The following MAML2 variants were observed in gnomAD, a reference collection of about 807,000 sequenced individuals.
The protein encoded by MAML2 is mastermind-like protein 2.
In MAML2, 22 loss-of-function variants were observed where a neutral mutation model predicts 96.1. The observed-to-expected ratio is 0.23, with a 90% CI of 0.16 to 0.33. The LOEUF (loss-of-function observed/expected upper bound fraction) is 0.33. MAML2 is among the 10% of genes least tolerant of loss of function. MAML2 has a pLI of 1.00. For missense variants in MAML2, 1,367 were observed against 1,392.4 expected (o/e 0.98, Z 0.29); for synonymous variants, 561 against 521.3 (o/e 1.08, Z -1.04).
At chr11:96,155,938 C>G (rs1381680493) in intron 1 of MAML2, among the ~76,000 whole-genome samples, 2 of 152,130 alleles carry the variant, frequency 1.3e-5, no homozygotes, top group East Asian at 1.9e-4. Context: ...AAACACAGCA[C>G]ATAAACAAGC....
chr11:96,232,754 G>A (rs1565257228), intron 1 of MAML2, among the ~76,000 whole-genome samples: 1 of 152,164 alleles, frequency 6.6e-6, no homozygotes, highest in South Asian at 2.1e-4. Flanking sequence ...TTAGAGGCGT[G>A]AGCCACCGCG....
chr11:95,985,635 A>C lies in MAML2; in HGVS notation c.2351T>G (p.Ile784Ser). The change falls in exon 4 of 5, where the codon ATT becomes AGT. Residue 784 changes from isoleucine to serine, a missense_variant. Ile to Ser is a moderately radical substitution (Grantham distance 142). Transcript: ENST00000524717. ...TCGGTTTATCTGATCTTGTGGAGCA[A>C]TTTTCTCCTTGAGAAATGATATGAA... is the stretch of plus-strand genomic sequence containing the variant. ...QQQMLADAEK[I>S]APQDQINRHL... 3 of 1,598,444 alleles carry C rather than the reference A, an allele frequency of 1.9e-6. No individual in the cohort carries two copies. The highest frequency in any genetic ancestry group is 2.6e-6 in the Non-Finnish European group (3 of 1,167,092).
intron 2 of MAML2, among the ~76,000 whole-genome samples, chr11:96,071,145 T>C (rs778164680): frequency 6.6e-6 from 1 of 152,250 alleles, no homozygotes; most frequent in Non-Finnish European, 1.5e-5. Context: ...ATATGCAGAA[T>C]GGGACAAGAG....
intron 1 of MAML2, among the ~76,000 whole-genome samples, chr11:96,115,235 C>A (rs1462368067): frequency 6.6e-6 from 1 of 151,522 alleles, no homozygotes; most frequent in African/African-American, 2.4e-5. Context: ...TTGATCATAG[C>A]TCACTGTAAC....
rs560991107 is a variant in MAML2 at position 95,977,406 on chromosome 11, G to A, written c.*1542C>T. 1 of 189,166 alleles carries A rather than the reference G, an allele frequency of 5.3e-6. No individual in the cohort carries two copies. Among genetic ancestry groups the A allele is most frequent in the South Asian group, 1.9e-4 (1 of 5,148 alleles). 11.7% of individuals were successfully genotyped at this position (189,166 alleles called of 1,614,324 possible). On this transcript the variant is annotated 3_prime_UTR_variant, in exon 5 of 5. Coordinates refer to ENST00000524717, the MANE Select transcript of MAML2 (RefSeq NM_032427.4). ...AGTGCTTCCAGACATTTTAAAGACT[G>A]GGAGACAGCTTTGCAGAATTTTCAA...
chr11:96,299,044 C>CAAAA (rs71040142), intron 1 of MAML2, among the ~76,000 whole-genome samples: 35 of 80,788 alleles, frequency 4.3e-4, no homozygotes, highest in African/African-American at 1.8e-3. Flanking sequence ...GAGTCCATCT[C>CAAAA]AAAAAAAAAA....
At chr11:96,275,561 A>G (rs1010351977) in intron 1 of MAML2, among the ~76,000 whole-genome samples, 1 of 151,994 alleles carries the variant, frequency 6.6e-6, no homozygotes, top group Non-Finnish European at 1.5e-5. Context: ...GAGCCACCAC[A>G]CCCGGCCAGA....
chr11:95,990,608 C>T (rs536724428), intron 3 of MAML2, among the ~76,000 whole-genome samples: 179 of 152,262 alleles, frequency 1.2e-3, no homozygotes, highest in African/African-American at 4.2e-3. Flanking sequence ...CAAGGCTTCT[C>T]TAGGGTGAAG....
At chr11:96,230,532 G>T (rs887359125) in intron 1 of MAML2, among the ~76,000 whole-genome samples, 1 of 152,152 alleles carries the variant, frequency 6.6e-6, no homozygotes, top group Non-Finnish European at 1.5e-5. Flanking sequence ...CAGAGTTGAA[G>T]ACTAGACATA....
At chr11:96,241,434 G>A (rs1356233637) in intron 1 of MAML2, among the ~76,000 whole-genome samples, 3 of 152,212 alleles carry the variant, frequency 2.0e-5, no homozygotes, top group Admixed American at 2.0e-4. Context: ...CCCCCCAGGA[G>A]ACATTTGGCA....
At chr11:96,019,681 T>C (rs1326829476) in intron 2 of MAML2, among the ~76,000 whole-genome samples, 1 of 494 alleles carries the variant, frequency 2.0e-3, no homozygotes, top group Non-Finnish European at 3.4e-3. Flanking sequence ...CTGATAATAA[T>C]AATTATAATA....
At chr11:96,280,427 T>C (rs1863048587) in intron 1 of MAML2, among the ~76,000 whole-genome samples, 3 of 150,410 alleles carry the variant, frequency 2.0e-5, no homozygotes, top group Admixed American at 1.3e-4. Context: ...GAACTTTCTT[T>C]CTCCTGATCT....
At chr11:96,016,043 C>T (rs995827322) in intron 2 of MAML2, among the ~76,000 whole-genome samples, 53 of 151,976 alleles carry the variant, frequency 3.5e-4, no homozygotes, top group African/African-American at 1.1e-3. Context: ...ATCATCAGGT[C>T]GCTTCTAAAG....
At chr11:96,248,300 C>T (rs1444277179) in intron 1 of MAML2, among the ~76,000 whole-genome samples, 17 of 150,596 alleles carry the variant, frequency 1.1e-4, no homozygotes, top group South Asian at 8.4e-4. Flanking sequence ...TTAGTAGAGG[C>T]GGGGTTTCAT....
In MAML2 at chr11:96,195,820, C is replaced by T. The variant is rs969864655; in HGVS notation, c.514-102303G>A. Among the ~76,000 whole-genome samples, 59 of 152,328 alleles carry T rather than the reference C, an allele frequency of 3.9e-4. 1 individual carries two copies. The highest frequency in any genetic ancestry group is 1.2e-3 in the African/African-American group (51 of 41,566). ...AGAAAATTATACTGTGACTACCAAA[C>T]TACTATCCATGTAGCAAAAACGACA... On this transcript the variant is annotated intron_variant, in intron 1 of 4. Coordinates refer to ENST00000524717, the MANE Select transcript of MAML2 (RefSeq NM_032427.4).
intron 1 of MAML2, among the ~76,000 whole-genome samples, chr11:96,226,205 A>G: frequency 6.6e-6 from 1 of 152,200 alleles, no homozygotes. Context: ...GAATGATTTT[A>G]TGTCACAGGG....
intron 1 of MAML2, among the ~76,000 whole-genome samples, chr11:96,242,270 A>C (rs1862447402): frequency 2.6e-5 from 4 of 152,228 alleles, no homozygotes; most frequent in Admixed American, 2.6e-4. Flanking sequence ...GTATTCCTGA[A>C]ACTGTTTACT....
intron 1 of MAML2, among the ~76,000 whole-genome samples, chr11:96,305,762 A>C (rs1863453769): frequency 1.3e-5 from 2 of 152,228 alleles, no homozygotes; most frequent in South Asian, 4.1e-4. Context: ...ACTAGAACTT[A>C]GAAGTACGGT....
In MAML2 at chr11:95,979,453, C is replaced by G; in HGVS notation, c.2966G>C (p.Gly989Ala). The stretch of plus-strand genomic sequence containing the variant: ...ATTTGGGGTATAGGCTGCAGGTGTA[C>G]CTGTGGGGAAGCGGACTCCTGCAGA... ...LTSAGVRFPT[G>A]TPAAYTPNQS... The change falls in exon 5 of 5, where the codon GGT (glycine) becomes GCT (alanine). Residue 989 changes from glycine to alanine, a missense_variant. Physicochemically the swap from Gly to Ala is moderately conservative, Grantham distance 60 (BLOSUM62 0). Transcript: ENST00000524717. 6.2e-7 allele frequency: 1 copy of G among 1,613,576 alleles called. No individual in the cohort carries two copies. Among genetic ancestry groups the G allele is most frequent in the Non-Finnish European group, 8.5e-7 (1 of 1,179,764 alleles).
Sources: allele counts gnomAD v4.1 joint callset (sites outside exome capture counted in the v4.1 genomes callset), GRCh38; gene constraint gnomAD v4.1.1; transcripts MANE v1.5; gene names NCBI Gene and HGNC (gene_info 2026-07-23, HGNC 2026-07-21).